Variants in GUCY1A2 observed in about 807,000 individuals in gnomAD.
GUCY1A2 encodes guanylate cyclase 1 soluble subunit alpha 2.
In GUCY1A2, 27 loss-of-function variants were observed where a neutral mutation model predicts 63.5. That is an observed-to-expected ratio of 0.43 (90% confidence interval 0.31 to 0.59). The LOEUF (loss-of-function observed/expected upper bound fraction) is 0.59. Among genes scored for constraint, GUCY1A2 ranks in the 20% least tolerant of loss-of-function variants. The pLI is 0.11. For missense variants in GUCY1A2, 768 were observed against 913.3 expected, an observed-to-expected ratio of 0.84 and a Z score of 2.05; for synonymous variants, 364 against 343.5, an observed-to-expected ratio of 1.06 and a Z score of -0.66.
chr11:106,723,944 G>A (rs968939530), intron 6 of GUCY1A2, among the ~76,000 whole-genome samples: 6 of 152,086 alleles, frequency 3.9e-5, no homozygotes, highest in African/African-American at 1.4e-4. Flanking sequence ...GTTTCACCTC[G>A]TAAAGGGAGT....
At chr11:106,914,535 A>G (rs1286810243) in intron 4 of GUCY1A2, among the ~76,000 whole-genome samples, 1 of 152,120 alleles carries the variant, frequency 6.6e-6, no homozygotes, top group African/African-American at 2.4e-5. Context: ...TGCTACGTCC[A>G]GTAAGTACAA....
At chr11:106,731,676 A>G (rs1302492860) in intron 6 of GUCY1A2, among the ~76,000 whole-genome samples, 1 of 152,180 alleles carries the variant, frequency 6.6e-6, no homozygotes, top group South Asian at 2.1e-4. Flanking sequence ...CTGATAAACA[A>G]CTTCAGCAAA....
intron 4 of GUCY1A2, among the ~76,000 whole-genome samples, chr11:106,836,165 G>A (rs910092065): frequency 6.6e-6 from 1 of 151,878 alleles, no homozygotes; most frequent in African/African-American, 2.4e-5. Context: ...GATTGGGAGC[G>A]CTGGTCCCCC....
At chr11:106,973,106 C>A (rs1310986395) in intron 3 of GUCY1A2, among the ~76,000 whole-genome samples, 1 of 152,028 alleles carries the variant, frequency 6.6e-6, no homozygotes, top group Non-Finnish European at 1.5e-5. Context: ...GAAGTTGTCT[C>A]TAATTTACAC....
At chr11:106,855,330 C>T (rs1469630799) in intron 4 of GUCY1A2, among the ~76,000 whole-genome samples, 2 of 152,146 alleles carry the variant, frequency 1.3e-5, no homozygotes, top group Non-Finnish European at 2.9e-5. Context: ...AGACACCTTC[C>T]TCATTCCAAA....
At chr11:106,879,999 A>G (rs1391126422) in intron 4 of GUCY1A2, among the ~76,000 whole-genome samples, 1 of 151,964 alleles carries the variant, frequency 6.6e-6, no homozygotes, top group Non-Finnish European at 1.5e-5. Flanking sequence ...CCTTAGAATG[A>G]CCCTGTATGG....
chr11:106,946,444 C>T (rs935556024), intron 3 of GUCY1A2, among the ~76,000 whole-genome samples: 2 of 151,848 alleles, frequency 1.3e-5, no homozygotes, highest in African/African-American at 2.4e-5. Context: ...AATAAATCAT[C>T]CCATTAAATG....
chr11:106,696,863 G>A (rs1862729280), intron 7 of GUCY1A2, among the ~76,000 whole-genome samples: 1 of 152,112 alleles, frequency 6.6e-6, no homozygotes, highest in Non-Finnish European at 1.5e-5. Flanking sequence ...GGTATAGGTA[G>A]GCTCAGTATA....
At chr11:106,955,737 CT>C (rs1352454111) in intron 3 of GUCY1A2, among the ~76,000 whole-genome samples, 1 of 151,962 alleles carries the variant, frequency 6.6e-6, no homozygotes, top group South Asian at 2.1e-4. Context: ...ACAGTTTTTC[CT>C]TTTTTTGACC....
chr11:106,689,166 GAGA>G (rs1201148235), intron 7 of GUCY1A2, among the ~76,000 whole-genome samples: 2 of 152,046 alleles, frequency 1.3e-5, no homozygotes, highest in African/African-American at 4.8e-5. Flanking sequence ...TATCTCTAAG[GAGA>G]AGAAGAAAAT....
intron 5 of GUCY1A2, among the ~76,000 whole-genome samples, chr11:106,803,409 G>C (rs1483443275): frequency 6.6e-6 from 1 of 151,822 alleles, no homozygotes; most frequent in Non-Finnish European, 1.5e-5. Flanking sequence ...CACAGTCTTT[G>C]GCATACAATG....
At chr11:106,997,088 C>T (rs184196665) in intron 1 of GUCY1A2, among the ~76,000 whole-genome samples, 1 of 152,142 alleles carries the variant, frequency 6.6e-6, no homozygotes, top group Non-Finnish European at 1.5e-5. Flanking sequence ...TATCTGAGCA[C>T]ATTTTTTAAA....
At chr11:106,742,913 T>G (rs1056216073) in intron 6 of GUCY1A2, among the ~76,000 whole-genome samples, 1 of 152,186 alleles carries the variant, frequency 6.6e-6, no homozygotes, top group Admixed American at 6.5e-5. Flanking sequence ...TTGTTTGGTA[T>G]TTGCCTATTA....
At chr11:106,801,686 A>G (rs1340063134) in intron 5 of GUCY1A2, among the ~76,000 whole-genome samples, 1 of 152,146 alleles carries the variant, frequency 6.6e-6, no homozygotes, top group East Asian at 1.9e-4. Flanking sequence ...ATCATACTTA[A>G]TAATAATTTA....
rs140026979 is a variant in GUCY1A2, at chr11:106,839,336, G to T, written c.1207-28858C>A. Among the ~76,000 whole-genome samples the T allele has an allele frequency of 9.7e-4, 148 of 151,984 alleles. 1 individual carries two copies. The highest frequency in any genetic ancestry group is 3.4e-3 in the African/African-American group (140 of 41,500). On this transcript the variant is annotated intron_variant, in intron 4 of 7. Transcript: ENST00000526355. ...ATCATCTCACACCAGTCAGAATGGC[G>T]ATCATTAAAAAGTCAGGGAACAACA...
chr11:106,910,434 G>A (rs1029652891), intron 4 of GUCY1A2, among the ~76,000 whole-genome samples: 2 of 151,662 alleles, frequency 1.3e-5, no homozygotes, highest in African/African-American at 2.4e-5. Flanking sequence ...TTGTAAACAG[G>A]AAAAAAGGCA....
At chr11:106,870,481 A>G (rs1479800300) in intron 4 of GUCY1A2, among the ~76,000 whole-genome samples, 1 of 152,160 alleles carries the variant, frequency 6.6e-6, no homozygotes, top group East Asian at 1.9e-4. Context: ...TAACATTAAT[A>G]TAAAAATAAT....
intron 4 of GUCY1A2, among the ~76,000 whole-genome samples, chr11:106,817,435 T>C (rs760582346): frequency 5.3e-5 from 8 of 152,180 alleles, no homozygotes; most frequent in Middle Eastern, 3.4e-3. Flanking sequence ...TCCTTGACAT[T>C]GCTCTGAACA....
chr11:106,959,212 T>A (rs1401038918), intron 3 of GUCY1A2, among the ~76,000 whole-genome samples: 1 of 152,234 alleles, frequency 6.6e-6, no homozygotes, highest in Non-Finnish European at 1.5e-5. Flanking sequence ...TGAAAGAATT[T>A]TTTTAATGGT....
Sources: allele counts gnomAD v4.1 joint callset (sites outside exome capture counted in the v4.1 genomes callset), GRCh38; gene constraint gnomAD v4.1.1; transcripts MANE v1.5; gene names NCBI Gene and HGNC (gene_info 2026-07-23, HGNC 2026-07-21).